The following HPS1 variants were observed in gnomAD, a reference collection of about 807,000 sequenced individuals.
The protein encoded by HPS1 is HPS1 biogenesis of lysosomal organelles complex 3 subunit 1.
Under a neutral mutation model 90.6 loss-of-function variants are expected in HPS1, and 59 were observed. That is an observed-to-expected ratio of 0.65 (90% CI 0.53 to 0.81). The LOEUF is 0.81. Among genes scored for constraint, HPS1 ranks in the 30% least tolerant of loss-of-function variants. HPS1 has a pLI of 0.00. For missense variants in HPS1, 849 were observed against 896.7 expected (o/e 0.95, Z 0.68); for synonymous variants, 388 against 384.4 (o/e 1.01, Z -0.11).
In HPS1 at chr10:98,423,608, C is replaced by G. The variant is rs2136134351; in HGVS notation, c.1593G>C (p.Met531Ile). The G allele has an allele frequency of 1.2e-6, 2 of 1,613,904 alleles. No homozygotes were observed. Among genetic ancestry groups the G allele is most frequent in the South Asian group, 2.2e-5 (2 of 91,074 alleles). ...LLVKSRRNIT[M>I]VSYLEDFPGL... ...GGGCCCCGGCGTCAGGATATGACAC[C>G]ATGGTGATGTTCCTCCTGCTCTTCA... Residue 531 changes from methionine to isoleucine, a missense_variant, in exon 16 of 20, where the codon ATG becomes ATC. Met to Ile is a conservative substitution (Grantham distance 10). Transcript: ENST00000361490.
chr10:98,418,661 GT>G (rs1288693801), intron 18 of HPS1, among the ~76,000 whole-genome samples: 3 of 152,242 alleles, frequency 2.0e-5, no homozygotes, highest in Non-Finnish European at 2.9e-5. Context: ...TCTGCTGGAC[GT>G]GCCGTGTGTG....
At chr10:98,422,539 C>A (rs1409425626) in intron 16 of HPS1, 26 bp from the exon 17 acceptor site, 1 of 1,613,010 alleles carries the variant, frequency 6.2e-7, no homozygotes, top group South Asian at 1.1e-5. Flanking sequence ...AAGGTGCTTA[C>A]AAGCCAGGAG....
At position 98,429,640 on chromosome 10, in the gene HPS1, C is replaced by T. The variant is rs1846106700; in HGVS notation, c.870G>A (p.Glu290=). The change falls in exon 10 of 20, where the codon GAG becomes GAA. Residue 290 remains glutamate, a splice_region_variant and synonymous_variant. Transcript: ENST00000361490. ...CCTCAGGGAGGGAGAAGCTGTCTGT[C>T]TCCTGGAATGGAGAAGGTGGCTCAG... ...GPTGGSSAET[E]TDSFSLPEEY... 3 of 1,614,198 alleles carry T rather than the reference C, an allele frequency of 1.9e-6. No homozygotes were observed. Among genetic ancestry groups the T allele is most frequent in the Non-Finnish European group, 2.5e-6 (3 of 1,180,042 alleles).
intron 13 of HPS1, 71 bp downstream of exon 13, chr10:98,425,470 G>A (rs184957799): frequency 2.0e-6 from 3 of 1,494,704 alleles, no homozygotes; most frequent in East Asian, 4.8e-5. Context: ...CTCAGCTGCT[G>A]TGGACCGGAT....
chr10:98,439,712 A>C (rs946892991), intron 3 of HPS1, among the ~76,000 whole-genome samples: 7 of 152,186 alleles, frequency 4.6e-5, no homozygotes, highest in African/African-American at 1.7e-4. Flanking sequence ...ACTTTGGGGA[A>C]CTGTTGGGAA....
In HPS1 at chr10:98,422,459, A is replaced by C. The variant is rs765995574; in HGVS notation, c.1653T>G (p.Thr551=). Residue 551 remains threonine, a synonymous_variant, in exon 17 of 20, where the codon ACT becomes ACG. Transcript: ENST00000361490. ...TGAGGGAAGGCGCCACCATCTGCCC[A>C]GTGGTGCGGTCCACATAGATGAAGT... The part of the protein sequence containing the change: ...LVHFIYVDRT[T]GQMVAPSLNC... 6.2e-7 allele frequency: 1 copy of C among 1,614,016 alleles called. No individual in the cohort carries two copies. Among genetic ancestry groups the C allele is most frequent in the South Asian group, 1.1e-5 (1 of 91,084 alleles).
chr10:98,435,503 G>C lies in HPS1; in HGVS notation c.256-89C>G. 6.2e-7 allele frequency: 1 copy of C among 1,609,824 alleles called. No individual in the cohort carries two copies. Among genetic ancestry groups the C allele is most frequent in the Non-Finnish European group, 8.5e-7 (1 of 1,176,572 alleles). ...TCTGCAGACAAGCCAGGGGAGGCTC[G>C]GGTCCCAGGCGGGTTTGATAAGATG... is the stretch of plus-strand genomic sequence containing the variant. On this transcript the variant is annotated intron_variant, in intron 4 of 19. Coordinates refer to ENST00000361490, the MANE Select transcript of HPS1 (RefSeq NM_000195.5). The surrounding 1 kb of genome is among the most constrained non-coding windows in gnomAD (Gnocchi z 4.3).
rs1417240223 is a variant in HPS1 at position 98,416,996 on chromosome 10, G to T, written c.*568C>A. 1 of 152,874 alleles carries T rather than the reference G, an allele frequency of 6.5e-6. No homozygotes were observed. The highest frequency in any genetic ancestry group is 1.5e-5 in the Non-Finnish European group (1 of 68,416). The allele number at this position is 152,874 out of a possible 1,614,324, so 9.5% of individuals were successfully genotyped here. A position where few individuals can be genotyped will look rare whatever the true frequency, so the allele number is the denominator to read the frequency against. On this transcript the variant is annotated 3_prime_UTR_variant, in exon 20 of 20. Transcript: ENST00000361490. ...AGGGCTTATCAGCACTGACAGAAGGGTCTAGAAGCACTAGCATGTTGGGCT... is the reference window on the plus strand; with the variant it reads ...AGGGCTTATCAGCACTGACAGAAGGTTCTAGAAGCACTAGCATGTTGGGCT...
chr10:98,428,760 C>A (rs1208235371), intron 10 of HPS1, among the ~76,000 whole-genome samples: 1 of 149,468 alleles, frequency 6.7e-6, no homozygotes, highest in Non-Finnish European at 1.5e-5. Context: ...TCATAGTGAC[C>A]ACAACAGTCT....
At chr10:98,422,699 CA>C (rs1845052282) in intron 16 of HPS1, among the ~76,000 whole-genome samples, 186 bp from the exon 17 acceptor site, 1 of 152,198 alleles carries the variant, frequency 6.6e-6, no homozygotes. Context: ...CCAAGCTCCC[CA>C]GGCCTTGAAA....
rs1486633847 is a variant in HPS1 at position 98,423,875 on chromosome 10, T to G, written c.1410A>C (p.Ala470=). ...EPGSSWELLQ[A]CGKLKRQLCA... ...AGAGCTGCCGCTTCAGCTTCCCACA[T>G]GCCTGGAGCAGCCTGAGCACGAGAG... Residue 470 remains alanine, a synonymous_variant, in exon 15 of 20, where the codon GCA becomes GCC. Transcript: ENST00000361490. The G allele has an allele frequency of 1.2e-6, 2 of 1,613,828 alleles. No homozygotes were observed. The highest frequency in any genetic ancestry group is 2.2e-5 in the East Asian group (1 of 44,880).
intron 3 of HPS1, among the ~76,000 whole-genome samples, chr10:98,437,090 C>G (rs924902082): frequency 1.1e-4 from 16 of 152,128 alleles, no homozygotes; most frequent in Admixed American, 5.9e-4. Flanking sequence ...TTTAACTTCT[C>G]CAGACTATTT....
chr10:98,418,210 T>A lies in HPS1; in HGVS notation c.1905A>T (p.Ser635=). The A allele has an allele frequency of 1.2e-6, 2 of 1,610,410 alleles. No individual in the cohort carries two copies. The highest frequency in any genetic ancestry group is 1.7e-6 in the Non-Finnish European group (2 of 1,177,598). ...MIEVPVLSDD[S]VPIGMLGGDY... ...CTCCTCCCAGCATGCCGATAGGCAC[T>A]GAGTCGTCGGAGAGGACGGGCACCT... The change falls in exon 19 of 20, where the codon TCA becomes TCT. Residue 635 remains serine, a synonymous_variant. Transcript: ENST00000361490.
intron 17 of HPS1, among the ~76,000 whole-genome samples, chr10:98,422,127 C>T (rs1487871911): frequency 1.3e-5 from 2 of 152,196 alleles, no homozygotes; most frequent in Non-Finnish European, 2.9e-5. Context: ...GGGAATGCTT[C>T]CTTAACAGAA....
Position 98,430,800 on chromosome 10 carries a change from A to G in HPS1, c.669-130T>C, listed in dbSNP as rs2136208767. ...GTACTTCTGGAGATGGGCAAGGCACAAATACAATTAATTAACTCGTCAAAT... is the reference window on the plus strand; with the variant it reads ...GTACTTCTGGAGATGGGCAAGGCACGAATACAATTAATTAACTCGTCAAAT... On this transcript the variant is annotated intron_variant, in intron 7 of 19. Transcript: ENST00000361490. 5.3e-6 allele frequency: 4 copies of G among 751,516 alleles called. No individual in the cohort carries two copies. In the Admixed American group the frequency reaches 8.1e-5, roughly 15 times the overall value. The allele number at this position is 751,516 out of a possible 1,614,324, so 46.6% of individuals were successfully genotyped here.
chr10:98,434,242 G>T, intron 5 of HPS1, 151 bp from the exon 6 acceptor site: 1 of 783,078 alleles, frequency 1.3e-6, no homozygotes, highest in Non-Finnish European at 2.0e-6. Context: ...CAGGTTTCCG[G>T]CCGAGCTCTA....
chr10:98,435,563 A>C lies in HPS1; in HGVS notation c.255+72T>G. ...CCTTCTAAAGGAGTCTAAAGTTCCA[A>C]ATAAGAGAGGCCTGTGGACTCCCCA... On this transcript the variant is annotated intron_variant, in intron 4 of 19. Coordinates refer to ENST00000361490, the MANE Select transcript of HPS1 (RefSeq NM_000195.5). This position sits in a 1 kb window ranked among gnomAD's most constrained non-coding sequence, Gnocchi z 4.3. 6.2e-7 allele frequency: 1 copy of C among 1,610,546 alleles called. No homozygotes were observed. Among genetic ancestry groups the C allele is most frequent in the Non-Finnish European group, 8.5e-7 (1 of 1,176,990 alleles).
At position 98,429,262 on chromosome 10, in the gene HPS1, T is replaced by G. The variant is rs1166780694; in HGVS notation, c.937+311A>C. 2.5e-6 allele frequency: 3 copies of G among 1,203,632 alleles called. No individual in the cohort carries two copies. The African/African-American group carries it at 4.7e-5, about 19-fold the overall frequency. 74.6% of individuals were successfully genotyped at this position (1,203,632 alleles called of 1,614,324 possible). On this transcript the variant is annotated intron_variant, in intron 10 of 19. Transcript: ENST00000361490. ...TAGAAATTAGATGATTATTACTAAATTTAACTTAATTTTTAATTTTAATTA... is the reference window on the plus strand; with the variant it reads ...TAGAAATTAGATGATTATTACTAAAGTTAACTTAATTTTTAATTTTAATTA...
At chr10:98,424,448 G>T in intron 13 of HPS1, 74 bp from the exon 14 acceptor site, 1 of 1,342,178 alleles carries the variant, frequency 7.5e-7, no homozygotes, top group Non-Finnish European at 1.1e-6. Flanking sequence ...GTCCTTCTCA[G>T]ATCAGGCTCT....
Sources: gnomAD v4.1 joint callset for allele counts (sites outside exome capture counted in the v4.1 genomes callset) on GRCh38, gnomAD v4.1.1 for gene constraint, Gnocchi (gnomAD v3.1) non-coding constraint, MANE v1.5 for transcripts, NCBI Gene and HGNC (gene_info 2026-07-23, HGNC 2026-07-21) for gene names.